Variants in CCDC126 observed in about 807,000 individuals in gnomAD.
CCDC126 encodes the protein coiled-coil domain containing 126.
In CCDC126, 5 loss-of-function variants were observed where a neutral mutation model predicts 11.7. The ratio of observed to expected loss-of-function variants is 0.43; its 90% CI spans 0.22 to 0.90. The LOEUF (loss-of-function observed/expected upper bound fraction) is 0.90. Among genes scored for constraint, CCDC126 ranks in the 40% least tolerant of loss-of-function variants. CCDC126 has a pLI of 0.27. For synonymous variants in CCDC126, 60 were observed against 61.9 expected, an observed-to-expected ratio of 0.97 and a Z score of 0.14; for missense variants, 150 against 163.1, an observed-to-expected ratio of 0.92 and a Z score of 0.44.
At chr7:23,633,800 C>G (rs188303456) in intron 3 of CCDC126, among the ~76,000 whole-genome samples, 1 of 152,012 alleles carries the variant, frequency 6.6e-6, no homozygotes, top group African/African-American at 2.4e-5. Flanking sequence ...CTGCAATGAG[C>G]CGAGATTGTA....
At position 23,600,484 on chromosome 7, in the gene CCDC126, G is replaced by A. The variant is rs572997162; in HGVS notation, c.-146+2433G>A. ...ACATTCCGGGGTCAAGTCTGTGGAG[G>A]ACTTTTTTTTGGGTCGTTTTTGGAG... On this transcript the variant is annotated intron_variant, in intron 2 of 3. Coordinates refer to ENST00000307471, the MANE Select transcript of CCDC126 (RefSeq NM_138771.4). Among the ~76,000 whole-genome samples the A allele has an allele frequency of 3.3e-5, 5 of 151,680 alleles. No homozygotes were observed. In the South Asian group the frequency reaches 6.2e-4, roughly 19 times the overall value.
chr7:23,605,208 C>T (rs1562828416), intron 2 of CCDC126, among the ~76,000 whole-genome samples: 1 of 151,932 alleles, frequency 6.6e-6, no homozygotes, highest in Non-Finnish European at 1.5e-5. Context: ...ATGTGTTTTC[C>T]CTAGCATGGG....
chr7:23,621,150 A>G (rs1219098888), intron 3 of CCDC126, among the ~76,000 whole-genome samples: 1 of 152,218 alleles, frequency 6.6e-6, no homozygotes, highest in African/African-American at 2.4e-5. Flanking sequence ...ATGGCATTCA[A>G]TCTATAAATT....
At chr7:23,622,115 T>TC in intron 3 of CCDC126, among the ~76,000 whole-genome samples, 1 of 152,306 alleles carries the variant, frequency 6.6e-6, no homozygotes, top group Middle Eastern at 3.4e-3. Context: ...TAGGGAGGAT[T>TC]CCCCCTTTTT....
chr7:23,643,013 T>G lies in CCDC126; in HGVS notation c.321T>G (p.Ile107Met). ...LVKLENKVDY[I>M]VVNGSAANTT... ...AGCTGGAGAACAAAGTTGACTATAT[T>G]GTTGTGAATGGCTCAGCAGCCAACA... is the stretch of plus-strand genomic sequence containing the variant. Residue 107 changes from isoleucine to methionine, a missense_variant, in exon 4 of 4, where the codon ATT becomes ATG. Physicochemically the swap from Ile to Met is conservative, Grantham distance 10 (BLOSUM62 1). Coordinates refer to ENST00000307471, the MANE Select transcript of CCDC126 (RefSeq NM_138771.4). 1 of 1,614,206 alleles carries G rather than the reference T, an allele frequency of 6.2e-7. No individual in the cohort carries two copies. Among genetic ancestry groups the G allele is most frequent in the Non-Finnish European group, 8.5e-7 (1 of 1,180,024 alleles).
At chr7:23,625,822 AT>A (rs1238730082) in intron 3 of CCDC126, among the ~76,000 whole-genome samples, 7 of 150,574 alleles carry the variant, frequency 4.6e-5, no homozygotes, top group African/African-American at 1.5e-4. Flanking sequence ...CGCCCAGCTA[AT>A]TTTTTTTGTA....
chr7:23,613,127 A>G (rs1294413315), intron 3 of CCDC126, among the ~76,000 whole-genome samples: 1 of 152,184 alleles, frequency 6.6e-6, no homozygotes, highest in African/African-American at 2.4e-5. Context: ...CCTGGGCAAC[A>G]TAGTGAAACC....
intron 2 of CCDC126, among the ~76,000 whole-genome samples, chr7:23,601,320 G>A (rs1433613749): frequency 6.6e-6 from 1 of 152,198 alleles, no homozygotes; most frequent in African/African-American, 2.4e-5. Context: ...CAGTCTGGGA[G>A]ATCAAGGCTC....
chr7:23,636,604 G>T (rs1289293019), intron 3 of CCDC126, among the ~76,000 whole-genome samples: 17 of 130,570 alleles, frequency 1.3e-4, no homozygotes, highest in Admixed American at 1.2e-3. Context: ...CGTCTGAGAA[G>T]TGAGGAAACT....
At chr7:23,632,565 T>A (rs1478497060) in intron 3 of CCDC126, among the ~76,000 whole-genome samples, 1 of 152,242 alleles carries the variant, frequency 6.6e-6, no homozygotes, top group Non-Finnish European at 1.5e-5. Context: ...TTAACTCTTA[T>A]CAATGTCAGC....
chr7:23,611,235 C>CTTTTTTTTTTTTTTTTT lies in CCDC126; in HGVS notation c.-71_-70insTTTTTTTTTTTTTTTTT. The CTTTTTTTTTTTTTTTTT allele has an allele frequency of 4.0e-6, 3 of 748,774 alleles. No individual in the cohort carries two copies. Among genetic ancestry groups the CTTTTTTTTTTTTTTTTT allele is most frequent in the Admixed American group, 2.4e-5 (1 of 42,386 alleles). The allele number at this position is 748,774 out of a possible 1,614,324, so 46.4% of individuals were successfully genotyped here. On this transcript the variant is annotated 5_prime_UTR_variant, in exon 3 of 4. Transcript: ENST00000307471. ...TATACAATATTGAGGATATTTTTTT[C>CTTTTTTTTTTTTTTTTT]TTTTTTTTTTCAAGTCTTGATTTGT...
chr7:23,605,433 GT>G (rs1266765089), intron 2 of CCDC126, among the ~76,000 whole-genome samples: 19 of 84,318 alleles, frequency 2.3e-4, no homozygotes, highest in Non-Finnish European at 3.5e-4. Context: ...GTGTGTGTGT[GT>G]GTGTGTGTGG....
chr7:23,606,862 G>C (rs1021331532), intron 2 of CCDC126, among the ~76,000 whole-genome samples: 2 of 152,044 alleles, frequency 1.3e-5, no homozygotes, highest in African/African-American at 4.8e-5. Flanking sequence ...CGTGAGGCCA[G>C]GTGATCACGT....
chr7:23,641,290 G>A (rs1002724242), intron 3 of CCDC126, among the ~76,000 whole-genome samples: 5 of 151,952 alleles, frequency 3.3e-5, no homozygotes, highest in Admixed American at 6.6e-5. Flanking sequence ...GTACTTACTG[G>A]CCATTTGCAC....
intron 2 of CCDC126, among the ~76,000 whole-genome samples, chr7:23,601,297 G>A (rs753002809): frequency 9.2e-5 from 14 of 152,156 alleles, no homozygotes; most frequent in Non-Finnish European, 1.5e-4. Flanking sequence ...AGGGGCAAGG[G>A]TGGGGGCCTC....
At chr7:23,621,319 G>A (rs992155869) in intron 3 of CCDC126, among the ~76,000 whole-genome samples, 1 of 151,940 alleles carries the variant, frequency 6.6e-6, no homozygotes, top group African/African-American at 2.4e-5. Flanking sequence ...GGATTCCTAA[G>A]TATTTTATTC....
chr7:23,637,266 C>T (rs1783247714), intron 3 of CCDC126, among the ~76,000 whole-genome samples: 1 of 38 alleles, frequency 0.026, no homozygotes, highest in African/African-American at 0.05. Context: ...GGGGGTCAGC[C>T]CCCCGCCCCG....
chr7:23,618,066 C>T (rs1051989509), intron 3 of CCDC126, among the ~76,000 whole-genome samples: 3 of 152,164 alleles, frequency 2.0e-5, no homozygotes, highest in South Asian at 2.1e-4. Context: ...TGGGAGGGTA[C>T]GAGATGCAGT....
intron 2 of CCDC126, among the ~76,000 whole-genome samples, chr7:23,605,179 T>A (rs1782603081): frequency 6.6e-6 from 1 of 152,086 alleles, no homozygotes; most frequent in Non-Finnish European, 1.5e-5. Flanking sequence ...GTATAGACCC[T>A]GAGGTCAGAA....
Sources: gnomAD v4.1 joint callset for allele counts (sites outside exome capture counted in the v4.1 genomes callset) on GRCh38, gnomAD v4.1.1 for gene constraint, MANE v1.5 for transcripts, NCBI Gene and HGNC (gene_info 2026-07-23, HGNC 2026-07-21) for gene names.